PRDM15: variants seen among roughly 807,000 people sequenced by gnomAD.
The protein encoded by PRDM15 is PR domain zinc finger protein 15.
In PRDM15, 64 loss-of-function variants were observed where a neutral mutation model predicts 128.6. That is an observed-to-expected ratio of 0.50 (90% CI 0.41 to 0.61). The LOEUF is 0.61. PRDM15 is among the 20% of genes least tolerant of loss of function. The pLI is 0.00. For missense variants in PRDM15, 1,242 were observed against 1,569.1 expected, an observed-to-expected ratio of 0.79 and a Z score of 3.52; for synonymous variants, 615 against 621.8, an observed-to-expected ratio of 0.99 and a Z score of 0.16.
At position 41,820,094 on chromosome 21, in the gene PRDM15, C is replaced by T; in HGVS notation, c.2140+1G>A. ...GACCCCAAATGCTGACAGACACGCA[C>T]CTGTGTGGATGAGCTTGTGGCGCTC... On this transcript the variant is annotated splice_donor_variant, in intron 17 of 23. Coordinates refer to ENST00000398548, the MANE Select transcript of PRDM15 (RefSeq NM_001040424.3). LOFTEE classifies it high-confidence loss of function. 6.2e-7 allele frequency: 1 copy of T among 1,613,592 alleles called. No homozygotes were observed. Among genetic ancestry groups the T allele is most frequent in the Non-Finnish European group, 8.5e-7 (1 of 1,179,654 alleles).
chr21:41,847,602 C>A (rs146016946), intron 5 of PRDM15, among the ~76,000 whole-genome samples: 2 of 152,104 alleles, frequency 1.3e-5, no homozygotes, highest in African/African-American at 2.4e-5. Flanking sequence ...GAACCCCAAA[C>A]GGCCAGCCAG....
chr21:41,837,885 C>A (rs1203073854), intron 8 of PRDM15, 49 bp downstream of exon 8: 1 of 1,609,218 alleles, frequency 6.2e-7, no homozygotes, highest in Non-Finnish European at 8.5e-7. Flanking sequence ...CTGGCTGCTG[C>A]CAGCATTGTC....
Position 41,810,866 on chromosome 21 carries a change from C to G in PRDM15, c.2393-30G>C. On this transcript the variant is annotated intron_variant, in intron 19 of 23. Transcript: ENST00000398548. This position sits in a 1 kb window ranked among gnomAD's most constrained non-coding sequence, Gnocchi z 6.4. ...AGAGAAAGGCGCACATAACTTCCTA[C>G]GTTTAATGAGTGTTGTAAGTCCACA... 2 of 1,599,930 alleles carry G rather than the reference C, an allele frequency of 1.3e-6. No individual in the cohort carries two copies. The highest frequency in any genetic ancestry group is 1.7e-6 in the Non-Finnish European group (2 of 1,167,160).
intron 12 of PRDM15, 93 bp from the exon 13 acceptor site, chr21:41,826,147 G>A (rs570532115): frequency 1.6e-5 from 16 of 1,017,238 alleles, no homozygotes; most frequent in Non-Finnish European, 2.1e-5. Flanking sequence ...CCTTTCCAGC[G>A]CACGGGAGGA....
intron 3 of PRDM15, among the ~76,000 whole-genome samples, chr21:41,858,031 C>T (rs961976426): frequency 1.3e-5 from 2 of 152,190 alleles, no homozygotes; most frequent in Non-Finnish European, 1.5e-5. Context: ...CAGGGTCAGA[C>T]TGGTATGGGG....
chr21:41,817,622 T>C (rs567871092), intron 18 of PRDM15, among the ~76,000 whole-genome samples: 3 of 152,290 alleles, frequency 2.0e-5, no homozygotes, highest in Admixed American at 6.5e-5. Context: ...TCTGGTTATA[T>C]GAATCGTACG....
intron 21 of PRDM15, 97 bp from the exon 22 acceptor site, chr21:41,804,711 C>T (rs911211794): frequency 1.2e-6 from 1 of 809,568 alleles, no homozygotes; most frequent in Admixed American, 2.9e-5. Flanking sequence ...CTCCACCACT[C>T]CTGCCCTTCC....
At chr21:41,871,606 G>A (rs767377399) in intron 1 of PRDM15, 10 of 1,610,196 alleles carry the variant, frequency 6.2e-6, no homozygotes, top group Non-Finnish European at 7.6e-6. Context: ...TGACCCTCTG[G>A]TTCCCAATCT....
At position 41,820,164 on chromosome 21, in the gene PRDM15, G is replaced by C. The variant is rs1359465260; in HGVS notation, c.2071C>G (p.Pro691Ala). ...PDPNVQKYIH[P>A]CEICGRIFNS... ...AAGATCCGCCCGCAGATCTCGCAGG[G>C]GTGGATGTACCTGAAACCAGAGACA... The change falls in exon 17 of 24, where the codon CCC (proline) becomes GCC (alanine). Residue 691 changes from proline (P) to alanine (A), a missense_variant. This residue lies in a region of PRDM15 where 602 missense variants were observed against 788.3 expected (regional missense o/e 0.76). Coordinates refer to ENST00000398548, the MANE Select transcript of PRDM15 (RefSeq NM_001040424.3). 6.2e-7 allele frequency: 1 copy of C among 1,613,494 alleles called. No homozygotes were observed. The highest frequency in any genetic ancestry group is 1.3e-5 in the African/African-American group (1 of 74,884).
intron 1 of PRDM15, among the ~76,000 whole-genome samples, chr21:41,869,980 G>T (rs13046908): frequency 0.48 from 73,510 of 152,018 alleles, 18,391 homozygotes; most frequent in East Asian, 0.6. Context: ...ACCACGCTCG[G>T]CGGAGCCCAG....
chr21:41,877,931 TCGTTCA>T (rs2064480252), intron 1 of PRDM15, among the ~76,000 whole-genome samples: 1 of 152,254 alleles, frequency 6.6e-6, no homozygotes, highest in Admixed American at 6.5e-5. Context: ...TATTTCTTAA[TCGTTCA>T]CCGTGAGGCA....
At chr21:41,851,410 C>T (rs1181666765) in intron 5 of PRDM15, among the ~76,000 whole-genome samples, 5 of 152,212 alleles carry the variant, frequency 3.3e-5, no homozygotes, top group Admixed American at 2.6e-4. Context: ...GCTCGACACA[C>T]ACTCAGACTC....
intron 19 of PRDM15, chr21:41,813,063 G>T: frequency 6.6e-6 from 1 of 152,486 alleles, no homozygotes. Context: ...GGGGGTCAGG[G>T]GCAAGCAAGA....
chr21:41,808,444 A>G (rs554595471), intron 21 of PRDM15, among the ~76,000 whole-genome samples: 10 of 152,350 alleles, frequency 6.6e-5, no homozygotes, highest in African/African-American at 2.4e-4. Context: ...CGGGCTGCAG[A>G]GGAACAGCAA....
intron 4 of PRDM15, among the ~76,000 whole-genome samples, chr21:41,856,112 T>C (rs1200804166): frequency 1.1e-4 from 1 of 9,004 alleles, no homozygotes; most frequent in African/African-American, 7.5e-4. Context: ...TTCCTTTCCT[T>C]CCTTCCCTCC....
At chr21:41,861,945 C>T (rs763447661) in intron 1 of PRDM15, 24 of 1,613,900 alleles carry the variant, frequency 1.5e-5, no homozygotes, top group South Asian at 1.1e-4. Context: ...AAAGGTATCT[C>T]GTGCGGCTCT....
intron 18 of PRDM15, among the ~76,000 whole-genome samples, chr21:41,817,410 G>A (rs540779037): frequency 3.1e-4 from 47 of 152,186 alleles, no homozygotes; most frequent in Admixed American, 2.0e-4. Context: ...CTACTGGCTG[G>A]GCCCCTGCCT....
intron 21 of PRDM15, among the ~76,000 whole-genome samples, chr21:41,806,428 CACCACCACCACCAT>C (rs1174372803): frequency 0.014 from 1,572 of 110,948 alleles, 68 homozygotes; most frequent in Non-Finnish European, 0.02. Context: ...CCACCACCAT[CACCACCACCACCAT>C]CACCACCACC....
At position 41,821,252 on chromosome 21, in the gene PRDM15, C is replaced by T. The variant is rs2146389837; in HGVS notation, c.1897-22G>A. The T allele has an allele frequency of 1.2e-6, 2 of 1,613,658 alleles. No individual in the cohort carries two copies. Among genetic ancestry groups the T allele is most frequent in the South Asian group, 1.1e-5 (1 of 91,070 alleles). Reference sequence around the variant, plus strand: ...TGAGCTGCGGGCCAGGTGGACAGGGCACTGCTGACACCCGCATGAGGTCCC... The same window carrying T: ...TGAGCTGCGGGCCAGGTGGACAGGGTACTGCTGACACCCGCATGAGGTCCC... On this transcript the variant is annotated intron_variant, in intron 15 of 23. Transcript: ENST00000398548. The surrounding 1 kb of genome is among the most constrained non-coding windows in gnomAD (Gnocchi z 5.4).
Sources: gnomAD v4.1 joint callset for allele counts (sites outside exome capture counted in the v4.1 genomes callset) on GRCh38, gnomAD v4.1.1 for gene constraint, gnomAD v4.1.1 regional missense constraint, Gnocchi (gnomAD v3.1) non-coding constraint, MANE v1.5 for transcripts, NCBI Gene and HGNC (gene_info 2026-07-23, HGNC 2026-07-21) for gene names.